The following LINGO2 variants were observed in gnomAD, a reference collection of about 807,000 sequenced individuals.
LINGO2 encodes the protein leucine rich repeat and Ig domain containing 2.
A neutral mutation model predicts 30.6 loss-of-function variants in LINGO2; 14 were observed. The ratio of observed to expected loss-of-function variants is 0.46; its 90% CI spans 0.30 to 0.72. The LOEUF (loss-of-function observed/expected upper bound fraction) is 0.72. Ranked by LOEUF, LINGO2 falls within the 30% of genes least tolerant of loss-of-function variation. The pLI, the probability that LINGO2 is intolerant of heterozygous loss-of-function variation, is 0.07. For missense variants in LINGO2, 729 were observed against 751.7 expected, an observed-to-expected ratio of 0.97 and a Z score of 0.35; for synonymous variants, 317 against 288.5, an observed-to-expected ratio of 1.10 and a Z score of -1.00.
At chr9:28,554,178 G>T (rs1822496907) in intron 1 of LINGO2, among the ~76,000 whole-genome samples, 1 of 151,594 alleles carries the variant, frequency 6.6e-6, no homozygotes, top group Non-Finnish European at 1.5e-5. Flanking sequence ...TGGACTAAAT[G>T]CTCCAATTAA....
the LINGO2 span, among the ~76,000 whole-genome samples, chr9:28,782,025 G>T: frequency 1.3e-5 from 2 of 152,036 alleles, no homozygotes; most frequent in African/African-American, 4.8e-5. Flanking sequence ...TTGAATGTTG[G>T]AATGAGGAAT....
intron 1 of LINGO2, among the ~76,000 whole-genome samples, chr9:28,482,966 C>T (rs1826035315): frequency 6.6e-6 from 1 of 152,006 alleles, no homozygotes; most frequent in Non-Finnish European, 1.5e-5. Flanking sequence ...TCTACCTAGC[C>T]CATGTTGCTC....
chr9:28,062,128 T>C (rs539921534), intron 4 of LINGO2, among the ~76,000 whole-genome samples: 13 of 152,020 alleles, frequency 8.6e-5, no homozygotes, highest in African/African-American at 3.1e-4. Context: ...GAAAAAAGAA[T>C]CCAAGACTGG....
the LINGO2 span, among the ~76,000 whole-genome samples, chr9:28,679,698 T>C: frequency 3.9e-5 from 6 of 152,070 alleles, no homozygotes; most frequent in Non-Finnish European, 8.8e-5. Flanking sequence ...AATGTAGATA[T>C]GGAGATAAAA....
the LINGO2 span, among the ~76,000 whole-genome samples, chr9:28,996,208 A>G: frequency 1.3e-4 from 19 of 151,944 alleles, no homozygotes; most frequent in East Asian, 2.7e-3. Context: ...TGTAATTTCT[A>G]TTGTGTTAAG....
chr9:28,890,662 C>T, the LINGO2 span, among the ~76,000 whole-genome samples: 2 of 151,994 alleles, frequency 1.3e-5, no homozygotes, highest in Non-Finnish European at 2.9e-5. Flanking sequence ...CATTATGTGG[C>T]TATATTAAAA....
chr9:28,142,863 C>T (rs1827712040), intron 4 of LINGO2, among the ~76,000 whole-genome samples: 1 of 152,076 alleles, frequency 6.6e-6, no homozygotes, highest in African/African-American at 2.4e-5. Flanking sequence ...TGATCATTTC[C>T]CTAGCTGGAG....
intron 4 of LINGO2, among the ~76,000 whole-genome samples, chr9:28,294,958 T>C (rs941633731): frequency 2.0e-5 from 3 of 152,190 alleles, no homozygotes; most frequent in Admixed American, 6.5e-5. Flanking sequence ...TTTATAGTAT[T>C]GGCCTCTACA....
At chr9:29,008,153 A>G in the LINGO2 span, among the ~76,000 whole-genome samples, 2 of 151,778 alleles carry the variant, frequency 1.3e-5, no homozygotes, top group African/African-American at 2.4e-5. Flanking sequence ...TTCAATTCCC[A>G]CCTATGAGTG....
At position 28,062,294 on chromosome 9, in the gene LINGO2, A is replaced by G. The variant is rs527866455; in HGVS notation, c.-86-49889T>C. ...GTGCTTTCTTCCTCTTGACATTGGA[A>G]CATTTCATTAAGGAGTTAGCATTTT... On this transcript the variant is annotated intron_variant, in intron 4 of 5. Coordinates refer to ENST00000379992, the Ensembl canonical transcript of LINGO2. 3.9e-5 allele frequency among the ~76,000 whole-genome samples: 6 copies of G among 151,962 alleles called. No individual in the cohort carries two copies. The East Asian group carries it at 1.2e-3, about 29-fold the overall frequency.
chr9:28,543,031 A>C (rs1821772381), intron 1 of LINGO2, among the ~76,000 whole-genome samples: 1 of 152,124 alleles, frequency 6.6e-6, no homozygotes, highest in African/African-American at 2.4e-5. Flanking sequence ...ATGGTAAAAC[A>C]TGTCCTTTGC....
chr9:29,069,393 TA>T, the LINGO2 span, among the ~76,000 whole-genome samples: 2 of 151,928 alleles, frequency 1.3e-5, no homozygotes, highest in African/African-American at 2.4e-5. Context: ...AAAAGTTATA[TA>T]AAACACTTTA....
At chr9:29,121,454 C>T in the LINGO2 span, among the ~76,000 whole-genome samples, 1 of 152,046 alleles carries the variant, frequency 6.6e-6, no homozygotes, top group Admixed American at 6.6e-5. Context: ...CCAAAGCAAA[C>T]ATTCACATAG....
chr9:29,057,724 C>T, the LINGO2 span, among the ~76,000 whole-genome samples: 96 of 152,132 alleles, frequency 6.3e-4, 1 homozygote, highest in Non-Finnish European at 1.2e-3. Context: ...GAGCATGCAT[C>T]GGGCCAGATA....
the LINGO2 span, among the ~76,000 whole-genome samples, chr9:28,729,585 G>A: frequency 6.6e-6 from 1 of 151,844 alleles, no homozygotes; most frequent in South Asian, 2.1e-4. Context: ...AGTGCTCTTT[G>A]TATGTTAAAA....
At chr9:28,833,732 A>C in the LINGO2 span, among the ~76,000 whole-genome samples, 1 of 152,190 alleles carries the variant, frequency 6.6e-6, no homozygotes, top group Non-Finnish European at 1.5e-5. Flanking sequence ...GAGATGAACG[A>C]ATAAAATCAA....
At chr9:28,361,184 G>C (rs1310668452) in intron 3 of LINGO2, among the ~76,000 whole-genome samples, 1 of 152,198 alleles carries the variant, frequency 6.6e-6, no homozygotes, top group Non-Finnish European at 1.5e-5. Context: ...AGCAGTTCTT[G>C]TATTGAGGTA....
chr9:28,128,929 T>A (rs572322577), intron 4 of LINGO2, among the ~76,000 whole-genome samples: 12 of 152,144 alleles, frequency 7.9e-5, no homozygotes, highest in Non-Finnish European at 1.5e-4. Flanking sequence ...CACCATCCAA[T>A]TGGCTGCAAG....
At chr9:28,526,068 A>AAAAAAAAAAAAAAAAAAAAAAC (rs1173040033) in intron 1 of LINGO2, among the ~76,000 whole-genome samples, 3 of 150,352 alleles carry the variant, frequency 2.0e-5, no homozygotes, top group African/African-American at 4.9e-5. Flanking sequence ...AAAAAAAAAA[A>AAAAAAAAAAAAAAAAAAAAAAC]AAAAAAAAGC....
Sources: allele counts gnomAD v4.1 joint callset (sites outside exome capture counted in the v4.1 genomes callset), GRCh38; gene constraint gnomAD v4.1.1; transcripts MANE v1.5; gene names NCBI Gene and HGNC (gene_info 2026-07-23, HGNC 2026-07-21).